The following NLGN4Y variants were observed in gnomAD, a reference collection of about 807,000 sequenced individuals.
NLGN4Y encodes the protein neuroligin 4 Y-linked.
NLGN4Y carries 4 observed loss-of-function variants against 8.4 expected under a neutral mutation model. The observed-to-expected ratio is 0.48, with a 90% confidence interval of 0.23 to 1.09. The LOEUF (loss-of-function observed/expected upper bound fraction) is 1.09. Ranked by LOEUF, NLGN4Y falls within the 50% of genes least tolerant of loss-of-function variation. The pLI, the probability that NLGN4Y is intolerant of heterozygous loss-of-function variation, is 0.19. For synonymous variants in NLGN4Y, 35 were observed against 75.6 expected (o/e 0.46, Z 2.78); for missense variants, 90 against 192.3 (o/e 0.47, Z 3.15).
chrY:14,581,479 G>A (rs2080320338), intron 1 of NLGN4Y, among the ~76,000 whole-genome samples: 1 of 33,822 alleles, frequency 3.0e-5, no homozygotes, highest in Non-Finnish European at 7.4e-5. Context: ...TCAGTGGGAG[G>A]TGATCCTATG....
intron 4 of NLGN4Y, among the ~76,000 whole-genome samples, chrY:14,749,602 G>A: frequency 3.0e-5 from 1 of 33,726 alleles, no homozygotes; most frequent in Non-Finnish European, 7.4e-5. Context: ...GCGCAGCTAT[G>A]CATTCTCTTC....
intron 4 of NLGN4Y, among the ~76,000 whole-genome samples, chrY:14,728,860 T>A (rs2080963171): frequency 9.0e-5 from 3 of 33,292 alleles, no homozygotes; most frequent in Non-Finnish European, 1.5e-4. Context: ...TGACTATTCT[T>A]AAGGCCACTC....
chrY:14,647,544 G>C (rs2080615282), intron 2 of NLGN4Y, among the ~76,000 whole-genome samples: 1 of 33,436 alleles, frequency 3.0e-5, no homozygotes, highest in Non-Finnish European at 7.4e-5. Context: ...GTAGAACAAC[G>C]TCTGTTTACT....
At chrY:14,707,471 A>G in intron 2 of NLGN4Y, among the ~76,000 whole-genome samples, 1 of 31,570 alleles carries the variant, frequency 3.2e-5, no homozygotes, top group African/African-American at 1.2e-4. Context: ...GGTGTATTAG[A>G]TTTTTAATAC....
intron 2 of NLGN4Y, among the ~76,000 whole-genome samples, chrY:14,656,721 C>CT (rs777403348): frequency 2.3e-3 from 47 of 20,316 alleles, no homozygotes; most frequent in Non-Finnish European, 3.4e-3. Flanking sequence ...GTGTATTAAG[C>CT]TTTTTTTTTT....
chrY:14,706,958 C>A (rs2080881407), intron 2 of NLGN4Y, among the ~76,000 whole-genome samples: 3 of 21,684 alleles, frequency 1.4e-4, no homozygotes, highest in Admixed American at 4.6e-4. Context: ...TACATACACA[C>A]ATATGTGTAT....
intron 2 of NLGN4Y, among the ~76,000 whole-genome samples, chrY:14,704,489 C>T: frequency 6.0e-5 from 2 of 33,361 alleles, no homozygotes; most frequent in East Asian, 1.6e-3. Context: ...TAGAACCAGG[C>T]TTGCATCCCA....
intron 1 of NLGN4Y, among the ~76,000 whole-genome samples, chrY:14,530,656 G>T (rs1603498917): frequency 3.1e-5 from 1 of 32,584 alleles, no homozygotes; most frequent in East Asian, 8.0e-4. Flanking sequence ...ATCAAACTGG[G>T]CACTCTTTAC....
chrY:14,654,336 G>A (rs917411935), intron 2 of NLGN4Y, among the ~76,000 whole-genome samples: 3 of 32,192 alleles, frequency 9.3e-5, no homozygotes, highest in South Asian at 6.9e-4. Context: ...CTTCCTGTTC[G>A]TGTATCTGTT....
At chrY:14,635,892 G>A (rs2080563966) in intron 2 of NLGN4Y, among the ~76,000 whole-genome samples, 1 of 32,636 alleles carries the variant, frequency 3.1e-5, no homozygotes, top group Admixed American at 2.9e-4. Flanking sequence ...ACACCTGGCC[G>A]AAAGTGGATG....
At chrY:14,534,217 G>GA (rs2080123489) in intron 1 of NLGN4Y, among the ~76,000 whole-genome samples, 1 of 33,545 alleles carries the variant, frequency 3.0e-5, no homozygotes, top group Non-Finnish European at 7.4e-5. Flanking sequence ...ACAAACATGT[G>GA]AAAAAAAGCT....
At chrY:14,552,841 T>C (rs2150471623) in intron 1 of NLGN4Y, among the ~76,000 whole-genome samples, 1 of 33,859 alleles carries the variant, frequency 3.0e-5, no homozygotes, top group East Asian at 7.8e-4. Flanking sequence ...GCTGGAAGCA[T>C]TCCCTTTGAA....
chrY:14,589,646 A>C lies in NLGN4Y; in HGVS notation c.-111-32363A>C, dbSNP rs199974114. ...TGAGCTAAACACAGGGTGCTGACTG[A>C]TGTATTTACAATCCCTGAGCTACAT... On this transcript the variant is annotated intron_variant, in intron 1 of 6. Transcript: ENST00000684976. Among the ~76,000 whole-genome samples, 26 of 33,356 alleles carry C rather than the reference A, an allele frequency of 7.8e-4. No individual in the cohort carries two copies. In the East Asian group the frequency reaches 0.02, roughly 25 times the overall value. 89.5% of individuals were successfully genotyped at this position (33,356 alleles called of 37,273 possible). A position where few individuals can be genotyped will look rare whatever the true frequency, so the allele number is the denominator to read the frequency against.
chrY:14,721,177 A>G, intron 3 of NLGN4Y, among the ~76,000 whole-genome samples: 1 of 33,781 alleles, frequency 3.0e-5, no homozygotes, highest in Non-Finnish European at 7.3e-5. Context: ...GTTTTATGAA[A>G]GGTAAGAAAT....
chrY:14,526,068 A>G (rs2080092241), intron 1 of NLGN4Y, among the ~76,000 whole-genome samples: 1 of 33,790 alleles, frequency 3.0e-5, no homozygotes, highest in African/African-American at 1.2e-4. Context: ...ACAAAGTGGC[A>G]GAAACTACAA....
chrY:14,732,259 G>A, intron 4 of NLGN4Y, among the ~76,000 whole-genome samples: 1 of 32,863 alleles, frequency 3.0e-5, no homozygotes, highest in Admixed American at 2.7e-4. Flanking sequence ...GACCACCCAG[G>A]GCTGTGTGTT....
chrY:14,724,341 A>C (rs777839737), intron 4 of NLGN4Y, among the ~76,000 whole-genome samples: 15 of 33,228 alleles, frequency 4.5e-4, no homozygotes, highest in Admixed American at 3.6e-3. Context: ...GAATTTTGCA[A>C]CTGGCTGGTG....
intron 1 of NLGN4Y, among the ~76,000 whole-genome samples, chrY:14,565,471 A>G (rs2080248665): frequency 3.1e-5 from 1 of 32,064 alleles, no homozygotes; most frequent in Non-Finnish European, 7.5e-5. Flanking sequence ...AGATTAGAGA[A>G]AAAAGGATAA....
intron 1 of NLGN4Y, among the ~76,000 whole-genome samples, chrY:14,566,283 C>T (rs886662889): frequency 1.6e-3 from 53 of 32,885 alleles, no homozygotes; most frequent in South Asian, 2.8e-3. Flanking sequence ...ACCCATCTCA[C>T]GTGCAAAGAC....
Sources: allele counts gnomAD v4.1 joint callset (sites outside exome capture counted in the v4.1 genomes callset), GRCh38; gene constraint gnomAD v4.1.1; transcripts MANE v1.5; gene names NCBI Gene and HGNC (gene_info 2026-07-23, HGNC 2026-07-21).